ADORA2B: variants seen among roughly 807,000 people sequenced by gnomAD.
The protein encoded by ADORA2B is adenosine A2b receptor, also known as adenosine receptor A2b.
ADORA2B carries 18 observed loss-of-function variants against 20.8 expected under a neutral mutation model. That is an observed-to-expected ratio of 0.87 (90% CI 0.60 to 1.29). The LOEUF is 1.29. ADORA2B is among the 50% of genes most tolerant of loss of function. The pLI, the probability that ADORA2B is intolerant of heterozygous loss-of-function variation, is 0.00. For synonymous variants in ADORA2B, 179 were observed against 178.3 expected, an observed-to-expected ratio of 1.00 and a Z score of -0.03; for missense variants, 441 against 422.7, an observed-to-expected ratio of 1.04 and a Z score of -0.38.
chr17:15,953,605 A>AT (rs1403293160), intron 1 of ADORA2B, among the ~76,000 whole-genome samples: 10 of 151,732 alleles, frequency 6.6e-5, no homozygotes, highest in Non-Finnish European at 1.0e-4. Flanking sequence ...TTATGTTTTG[A>AT]TTTTTTTCCT....
At chr17:15,933,371 G>A in the ADORA2B span, among the ~76,000 whole-genome samples, 1 of 152,158 alleles carries the variant, frequency 6.6e-6, no homozygotes, top group Non-Finnish European at 1.5e-5. Context: ...TGAATATGTA[G>A]ATCAATTTCG....
At chr17:15,932,360 G>A in the ADORA2B span, among the ~76,000 whole-genome samples, 5 of 151,980 alleles carry the variant, frequency 3.3e-5, no homozygotes, top group Admixed American at 6.6e-5. Flanking sequence ...GGGTATGGTG[G>A]CATATGCCTA....
intron 1 of ADORA2B, among the ~76,000 whole-genome samples, chr17:15,957,656 TGGGGAGTCTG>T (rs1213855015): frequency 6.6e-6 from 1 of 152,128 alleles, no homozygotes; most frequent in African/African-American, 2.4e-5. Context: ...GGTCGAGTCT[TGGGGAGTCTG>T]GGGCTGCTAG....
chr17:15,906,998 T>C, the ADORA2B span, among the ~76,000 whole-genome samples: 1 of 152,330 alleles, frequency 6.6e-6, no homozygotes, highest in Middle Eastern at 3.4e-3. Context: ...AGAGGAAAGC[T>C]TGCCATCTCT....
chr17:15,948,404 G>GGGGGGGAGGGGGGC (rs924189170), intron 1 of ADORA2B, among the ~76,000 whole-genome samples: 1 of 21,894 alleles, frequency 4.6e-5, no homozygotes, highest in Admixed American at 4.7e-4. Flanking sequence ...CTGGCGGCGG[G>GGGGGGGAGGGGGGC]GGGCTCCAGT....
At chr17:15,925,735 C>T in the ADORA2B span, among the ~76,000 whole-genome samples, 38 of 152,144 alleles carry the variant, frequency 2.5e-4, no homozygotes, top group African/African-American at 8.9e-4. Context: ...TTTGGGAGGC[C>T]GAGGCGGGTG....
At chr17:15,861,729 C>T in the ADORA2B span, among the ~76,000 whole-genome samples, 1 of 152,200 alleles carries the variant, frequency 6.6e-6, no homozygotes, top group Admixed American at 6.5e-5. Flanking sequence ...GCTGCCACAC[C>T]TCTGTCACCT....
chr17:15,876,668 T>A, the ADORA2B span, among the ~76,000 whole-genome samples: 1 of 152,144 alleles, frequency 6.6e-6, no homozygotes, highest in Non-Finnish European at 1.5e-5. Flanking sequence ...ACTTGAGGCT[T>A]CCCTAAGTTT....
the ADORA2B span, among the ~76,000 whole-genome samples, chr17:15,910,456 C>T: frequency 1.3e-5 from 2 of 152,018 alleles, no homozygotes; most frequent in Non-Finnish European, 2.9e-5. Context: ...TGCCACCACT[C>T]CTGGATAATT....
chr17:15,875,827 C>T, the ADORA2B span, among the ~76,000 whole-genome samples: 5 of 152,178 alleles, frequency 3.3e-5, no homozygotes, highest in Admixed American at 6.5e-5. Context: ...GTAATCCACC[C>T]GCCTCGGCCT....
At chr17:15,928,931 G>C in the ADORA2B span, among the ~76,000 whole-genome samples, 1 of 152,130 alleles carries the variant, frequency 6.6e-6, no homozygotes, top group African/African-American at 2.4e-5. Context: ...GCATGCTCTT[G>C]GAGAGGCTGG....
chr17:15,924,498 G>A, the ADORA2B span, among the ~76,000 whole-genome samples: 2 of 152,126 alleles, frequency 1.3e-5, no homozygotes, highest in African/African-American at 2.4e-5. Context: ...TTGGGAGGCC[G>A]AGTCGGGCAA....
chr17:15,925,148 G>C, the ADORA2B span, among the ~76,000 whole-genome samples: 1 of 152,282 alleles, frequency 6.6e-6, no homozygotes, highest in African/African-American at 2.4e-5. Flanking sequence ...TGATTCTCCT[G>C]CCTCAGCCTC....
At chr17:15,854,926 CTT>C in the ADORA2B span, among the ~76,000 whole-genome samples, 15,137 of 140,810 alleles carry the variant, frequency 0.11, 2,039 homozygotes, top group African/African-American at 0.34. Flanking sequence ...GGATTTAACT[CTT>C]TTTTTTTTTT....
At chr17:15,896,099 G>C in the ADORA2B span, among the ~76,000 whole-genome samples, 1 of 152,218 alleles carries the variant, frequency 6.6e-6, no homozygotes, top group African/African-American at 2.4e-5. Flanking sequence ...GAGGTTTGGA[G>C]TCCAGATTTA....
upstream of ADORA2B, chr17:15,945,112 GC>G (rs968553472): frequency 6.0e-4 from 434 of 723,940 alleles, 1 homozygote; most frequent in Middle Eastern, 9.0e-4. Context: ...GGCCACCAGC[GC>G]CCCAGCCCCG....
At chr17:15,968,582 G>A (rs891222081) in intron 1 of ADORA2B, among the ~76,000 whole-genome samples, 1 of 152,156 alleles carries the variant, frequency 6.6e-6, no homozygotes, top group African/African-American at 2.4e-5. Flanking sequence ...GTGGTCAGGC[G>A]GAGGAGGGAG....
chr17:15,867,241 C>T, the ADORA2B span, among the ~76,000 whole-genome samples: 1,586 of 152,092 alleles, frequency 0.01, 35 homozygotes, highest in African/African-American at 0.036. Flanking sequence ...TCTGCCTGGC[C>T]GCCCATTGTC....
the ADORA2B span, among the ~76,000 whole-genome samples, chr17:15,937,180 C>T: frequency 0.17 from 25,932 of 152,094 alleles, 2,758 homozygotes; most frequent in Middle Eastern, 0.26. Context: ...TCCTGCCACC[C>T]CAGGGTTTGT....
Sources: gnomAD v4.1 joint callset for allele counts (sites outside exome capture counted in the v4.1 genomes callset) on GRCh38, gnomAD v4.1.1 for gene constraint, MANE v1.5 for transcripts, NCBI Gene and HGNC (gene_info 2026-07-23, HGNC 2026-07-21) for gene names.